Variants in ETF1 observed in about 807,000 individuals in gnomAD.
ETF1 encodes eukaryotic peptide chain release factor subunit 1.
In ETF1, 4 loss-of-function variants were observed where a neutral mutation model predicts 55.1. That is an observed-to-expected ratio of 0.07 (90% CI 0.04 to 0.17). ETF1 has a LOEUF of 0.17. Among genes scored for constraint, ETF1 ranks in the 10% least tolerant of loss-of-function variants. The pLI is 1.00. For missense variants in ETF1, 142 were observed against 523.6 expected, an observed-to-expected ratio of 0.27 and a Z score of 7.11; for synonymous variants, 157 against 182.3, an observed-to-expected ratio of 0.86 and a Z score of 1.12.
At chr5:138,541,181 A>G (rs1766157235) in intron 2 of ETF1, among the ~76,000 whole-genome samples, 1 of 152,196 alleles carries the variant, frequency 6.6e-6, no homozygotes, top group Non-Finnish European at 1.5e-5. Flanking sequence ...TACTGAAACA[A>G]AAGAACCTGG....
intron 2 of ETF1, among the ~76,000 whole-genome samples, chr5:138,522,930 C>T (rs752707259): frequency 3.3e-5 from 5 of 151,870 alleles, no homozygotes; most frequent in Non-Finnish European, 7.4e-5. Context: ...GGTGTGAACC[C>T]GGGAGGCAGA....
In ETF1 at chr5:138,511,633, C is replaced by A. The variant is rs577105785; in HGVS notation, c.733-29G>T. 6.4e-6 allele frequency: 10 copies of A among 1,561,166 alleles called. No individual in the cohort carries two copies. In the South Asian group the frequency reaches 1.2e-4, roughly 19 times the overall value. ...ACACACAAAAAAAATATTATTAGTA[C>A]TTACTGGTACTTATTTAAAATATTA... On this transcript the variant is annotated intron_variant, in intron 6 of 10. Coordinates refer to ENST00000360541, the MANE Select transcript of ETF1 (RefSeq NM_004730.4).
chr5:138,522,151 CA>C (rs1281882459), intron 2 of ETF1, among the ~76,000 whole-genome samples: 1 of 151,330 alleles, frequency 6.6e-6, no homozygotes, highest in East Asian at 1.9e-4. Context: ...CTTTCATTCT[CA>C]AAAAAACCCA....
At chr5:138,521,632 T>A (rs924838459) in intron 2 of ETF1, among the ~76,000 whole-genome samples, 3 of 152,204 alleles carry the variant, frequency 2.0e-5, no homozygotes, top group Non-Finnish European at 4.4e-5. Flanking sequence ...GTTCAAGCGA[T>A]TCTCCTGCCT....
chr5:138,521,341 GTTGT>G (rs1353914911), intron 2 of ETF1, among the ~76,000 whole-genome samples: 5 of 152,186 alleles, frequency 3.3e-5, no homozygotes, highest in African/African-American at 1.2e-4. Context: ...GAACTAGGCA[GTTGT>G]TTAATAGTTG....
At chr5:138,524,554 T>TAA (rs759157222) in intron 2 of ETF1, among the ~76,000 whole-genome samples, 3 of 138,046 alleles carry the variant, frequency 2.2e-5, no homozygotes, top group African/African-American at 5.3e-5. Flanking sequence ...CTGTGTCTCT[T>TAA]AAAAAAAAAA....
chr5:138,525,943 T>TAAAAAAAA (rs35058160), intron 2 of ETF1, among the ~76,000 whole-genome samples: 1 of 133,808 alleles, frequency 7.5e-6, no homozygotes, highest in Non-Finnish European at 1.6e-5. Context: ...AGACTCTGTT[T>TAAAAAAAA]AAAAAAAAAA....
chr5:138,531,782 C>A (rs1215647798), intron 2 of ETF1, among the ~76,000 whole-genome samples: 1 of 152,192 alleles, frequency 6.6e-6, no homozygotes, highest in Non-Finnish European at 1.5e-5. Flanking sequence ...TGCAGTGGTT[C>A]ACACCTGTAA....
At chr5:138,535,874 CAAAAAAAAAAAAA>C (rs35261297) in intron 2 of ETF1, among the ~76,000 whole-genome samples, 3 of 57,836 alleles carry the variant, frequency 5.2e-5, no homozygotes, top group African/African-American at 2.3e-4. Flanking sequence ...GACTCCGCCT[CAAAAAAAAAAAAA>C]AAAAAAAAAA....
At position 138,542,521 on chromosome 5, in the gene ETF1, G is replaced by A. The variant is rs546490721; in HGVS notation, c.86+312C>T. ...GCACCCGAGTCGGGTGGCAGCACCT[G>A]GAGCCCGAAGAGGGAGGACCTGGAC... is the stretch of plus-strand genomic sequence containing the variant. On this transcript the variant is annotated intron_variant, in intron 2 of 10. Transcript: ENST00000360541. 3 of 875,132 alleles carry A rather than the reference G, an allele frequency of 3.4e-6. No homozygotes were observed. The South Asian group carries it at 6.4e-5, about 19-fold the overall frequency. 54.2% of individuals were successfully genotyped at this position (875,132 alleles called of 1,614,324 possible).
At position 138,507,701 on chromosome 5, in the gene ETF1, G is replaced by C. The variant is rs2127057499; in HGVS notation, c.*604C>G. On this transcript the variant is annotated 3_prime_UTR_variant, in exon 11 of 11. Coordinates refer to ENST00000360541, the MANE Select transcript of ETF1 (RefSeq NM_004730.4). ...CCTTGAAACTGCCAGTCTGGAGGGGGACGGGGTAGCGTGAGGGAGTGAAGT... is the reference window on the plus strand; with the variant it reads ...CCTTGAAACTGCCAGTCTGGAGGGGCACGGGGTAGCGTGAGGGAGTGAAGT... 6.5e-6 allele frequency: 1 copy of C among 152,930 alleles called. No individual in the cohort carries two copies. The highest frequency in any genetic ancestry group is 1.9e-4 in the East Asian group (1 of 5,194). 9.5% of individuals were successfully genotyped at this position (152,930 alleles called of 1,614,324 possible).
intron 2 of ETF1, among the ~76,000 whole-genome samples, chr5:138,541,948 C>T (rs1326466192): frequency 6.6e-6 from 1 of 152,126 alleles, no homozygotes; most frequent in Non-Finnish European, 1.5e-5. Flanking sequence ...AATGGACACA[C>T]CTACAGTTTC....
At chr5:138,512,413 G>A (rs1177049034) in intron 6 of ETF1, among the ~76,000 whole-genome samples, 1 of 150,816 alleles carries the variant, frequency 6.6e-6, no homozygotes, top group African/African-American at 2.4e-5. Flanking sequence ...TGAGAGCTTT[G>A]CTGCTATGTA....
At chr5:138,541,492 T>C in intron 2 of ETF1, 1 of 1,483,554 alleles carries the variant, frequency 6.7e-7, no homozygotes, top group Non-Finnish European at 9.1e-7. Flanking sequence ...CCTAATTTAT[T>C]AAGAACAAAA....
intron 2 of ETF1, among the ~76,000 whole-genome samples, chr5:138,519,787 C>T (rs1765162845): frequency 6.6e-6 from 1 of 152,086 alleles, no homozygotes; most frequent in Admixed American, 6.5e-5. Flanking sequence ...GGGTGCCCAA[C>T]CAAACTCAAG....
At chr5:138,508,999 G>C in intron 9 of ETF1, 183 bp from the exon 10 acceptor site, 1 of 983,210 alleles carries the variant, frequency 1.0e-6, no homozygotes, top group Non-Finnish European at 1.2e-6. Flanking sequence ...AGAGAAATTC[G>C]GATTATTTCA....
chr5:138,535,053 C>T (rs1041399271), intron 2 of ETF1, among the ~76,000 whole-genome samples: 35 of 149,814 alleles, frequency 2.3e-4, no homozygotes, highest in Non-Finnish European at 4.0e-4. Flanking sequence ...TGGGTTCAAG[C>T]GATTCTCTTG....
chr5:138,512,235 TATATATATATATATATATATATA>T (rs1312841079), intron 6 of ETF1, among the ~76,000 whole-genome samples: 1 of 6,684 alleles, frequency 1.5e-4, no homozygotes, highest in African/African-American at 4.3e-4. Flanking sequence ...AATATATATA[TATATATATATATATATATATATA>T]TTTTTTTTTT....
chr5:138,512,258 ATT>A (rs58936942), intron 6 of ETF1, among the ~76,000 whole-genome samples: 28 of 20,014 alleles, frequency 1.4e-3, no homozygotes, highest in South Asian at 3.4e-3. Flanking sequence ...ATATATATAT[ATT>A]TTTTTTTTTT....
Sources: gnomAD v4.1 joint callset for allele counts (sites outside exome capture counted in the v4.1 genomes callset) on GRCh38, gnomAD v4.1.1 for gene constraint, MANE v1.5 for transcripts, NCBI Gene and HGNC (gene_info 2026-07-23, HGNC 2026-07-21) for gene names.